EHBP1: variants seen among roughly 807,000 people sequenced by gnomAD.
EHBP1 encodes the protein EH domain binding protein 1, also known as EH domain-binding protein 1.
Under a neutral mutation model 144.0 loss-of-function variants are expected in EHBP1, and 55 were observed. The observed-to-expected ratio is 0.38, with a 90% CI of 0.31 to 0.48. The LOEUF is 0.48. Ranked by LOEUF, EHBP1 falls within the 20% of genes least tolerant of loss-of-function variation. The pLI, the probability that EHBP1 is intolerant of heterozygous loss-of-function variation, is 0.98. For missense variants in EHBP1, 1,200 were observed against 1,364.2 expected (o/e 0.88, Z 1.90); for synonymous variants, 469 against 472.7 (o/e 0.99, Z 0.10).
intron 1 of EHBP1, among the ~76,000 whole-genome samples, chr2:62,692,103 G>A (rs1443643210): frequency 6.6e-6 from 1 of 151,926 alleles, no homozygotes; most frequent in Non-Finnish European, 1.5e-5. Context: ...TGTCTTTTAC[G>A]GACATTTCAT....
intron 7 of EHBP1, among the ~76,000 whole-genome samples, chr2:62,851,736 A>T (rs1337037238): frequency 1.3e-5 from 2 of 152,222 alleles, no homozygotes; most frequent in Admixed American, 1.3e-4. Context: ...GCATTGGTAT[A>T]GAAATCAAAA....
chr2:63,031,901 C>T (rs1289788950), intron 19 of EHBP1, among the ~76,000 whole-genome samples: 1 of 151,970 alleles, frequency 6.6e-6, no homozygotes, highest in Non-Finnish European at 1.5e-5. Context: ...TGCACTTCAG[C>T]CTGGGTGACA....
rs887341101 is a variant in EHBP1 at position 62,832,907 on chromosome 2, G to A, written c.634+1749G>A. Among the ~76,000 whole-genome samples, 10 of 152,284 alleles carry A rather than the reference G, an allele frequency of 6.6e-5. No homozygotes were observed. In the South Asian group the frequency reaches 2.1e-3, roughly 32 times the overall value. Reference sequence around the variant, plus strand: ...TAAATAAAAAGCTAGAAATGATTAAGTTTTGTGGGGAAGGCATGTCTAAAC... The same window carrying A: ...TAAATAAAAAGCTAGAAATGATTAAATTTTGTGGGGAAGGCATGTCTAAAC... On this transcript the variant is annotated intron_variant, in intron 7 of 22. Transcript: ENST00000431489.
chr2:62,807,697 TC>T (rs2152517532), intron 5 of EHBP1, among the ~76,000 whole-genome samples: 1 of 152,360 alleles, frequency 6.6e-6, no homozygotes, highest in East Asian at 1.9e-4. Context: ...GCAAAGCAGA[TC>T]TACTGGCAAC....
intron 2 of EHBP1, among the ~76,000 whole-genome samples, chr2:62,745,114 A>G (rs1558592754): frequency 6.6e-6 from 1 of 152,238 alleles, no homozygotes; most frequent in East Asian, 1.9e-4. Flanking sequence ...GACCTCATCA[A>G]TTATAATTAA....
Position 62,928,581 on chromosome 2 carries a change from TTATTAA to T in EHBP1, c.1186-14131_1186-14126del, listed in dbSNP as rs1351525048. On this transcript the variant is annotated intron_variant, in intron 10 of 22. Transcript: ENST00000431489. ...AACATGTTGTATAGCTGATGGGATC[TTATTAA>T]TATTATTTTCCAGTGGGAAAAAAAT... 2.6e-5 allele frequency among the ~76,000 whole-genome samples: 4 copies of T among 152,106 alleles called. No individual in the cohort carries two copies. In the East Asian group the frequency reaches 7.7e-4, roughly 29 times the overall value.
chr2:62,993,207 G>A (rs1214613110), intron 16 of EHBP1, among the ~76,000 whole-genome samples: 1 of 152,110 alleles, frequency 6.6e-6, no homozygotes, highest in Non-Finnish European at 1.5e-5. Flanking sequence ...AGTTCTTGTT[G>A]TCATACAAGT....
intron 6 of EHBP1, among the ~76,000 whole-genome samples, chr2:62,828,284 A>C (rs919421124): frequency 6.6e-6 from 1 of 152,200 alleles, no homozygotes; most frequent in African/African-American, 2.4e-5. Flanking sequence ...GCAAAGTAAA[A>C]ATTAATTTGT....
intron 2 of EHBP1, among the ~76,000 whole-genome samples, chr2:62,739,014 A>G (rs150416462): frequency 8.5e-5 from 13 of 152,322 alleles, no homozygotes; most frequent in African/African-American, 2.9e-4. Context: ...ATGCATACAC[A>G]TGGACAGGTT....
At chr2:62,764,424 A>G (rs1049367101) in intron 4 of EHBP1, 63 bp downstream of exon 4, 16 of 1,282,302 alleles carry the variant, frequency 1.2e-5, no homozygotes, top group Middle Eastern at 1.9e-4. Context: ...ATGACAGAAT[A>G]TTTCAGTGTT....
intron 7 of EHBP1, among the ~76,000 whole-genome samples, chr2:62,856,138 A>G (rs1267282680): frequency 1.3e-5 from 2 of 152,190 alleles, no homozygotes; most frequent in African/African-American, 2.4e-5. Flanking sequence ...TCCTGGTTGT[A>G]GGACAAGAAC....
At chr2:62,727,100 A>G (rs981970011) in intron 2 of EHBP1, among the ~76,000 whole-genome samples, 4 of 152,146 alleles carry the variant, frequency 2.6e-5, no homozygotes, top group African/African-American at 9.7e-5. Context: ...TGACCTTGTG[A>G]TCCGCCCGCC....
chr2:62,951,767 C>A (rs1050478368), intron 13 of EHBP1, among the ~76,000 whole-genome samples: 5 of 152,092 alleles, frequency 3.3e-5, no homozygotes, highest in African/African-American at 9.7e-5. Flanking sequence ...TCAGGTGATC[C>A]TCCTGCCTCA....
At chr2:62,957,231 A>G (rs983976346) in intron 14 of EHBP1, among the ~76,000 whole-genome samples, 5 of 152,240 alleles carry the variant, frequency 3.3e-5, no homozygotes, top group Admixed American at 6.5e-5. Context: ...CATTAACAGA[A>G]TAAAGAAAAA....
At chr2:62,945,532 A>AT (rs1190854619) in intron 12 of EHBP1, among the ~76,000 whole-genome samples, 2 of 152,190 alleles carry the variant, frequency 1.3e-5, no homozygotes, top group Non-Finnish European at 2.9e-5. Flanking sequence ...GTGTATTGCT[A>AT]TCAAAAAGAT....
chr2:63,021,706 A>G (rs1231768159), intron 19 of EHBP1, among the ~76,000 whole-genome samples: 1 of 152,148 alleles, frequency 6.6e-6, no homozygotes, highest in Non-Finnish European at 1.5e-5. Context: ...ACCAAAATCA[A>G]GGTACTTTAT....
At chr2:62,896,349 C>T (rs188663129) in intron 10 of EHBP1, among the ~76,000 whole-genome samples, 8 of 152,302 alleles carry the variant, frequency 5.3e-5, no homozygotes, top group Admixed American at 5.2e-4. Context: ...AACGTAGGCA[C>T]TGCCTGGGAT....
chr2:62,968,009 A>G (rs1203726818), intron 14 of EHBP1, among the ~76,000 whole-genome samples: 1 of 152,124 alleles, frequency 6.6e-6, no homozygotes, highest in Non-Finnish European at 1.5e-5. Context: ...GAGATATAGG[A>G]TACATCGTAT....
chr2:62,931,680 G>A (rs1041133065), intron 10 of EHBP1, among the ~76,000 whole-genome samples: 1 of 152,184 alleles, frequency 6.6e-6, no homozygotes, highest in Non-Finnish European at 1.5e-5. Context: ...TCTAAGTAAT[G>A]TGATGAAATC....
Sources: allele counts gnomAD v4.1 joint callset (sites outside exome capture counted in the v4.1 genomes callset), GRCh38; gene constraint gnomAD v4.1.1; transcripts MANE v1.5; gene names NCBI Gene and HGNC (gene_info 2026-07-23, HGNC 2026-07-21).